Variants in NKD1 observed in about 807,000 individuals in gnomAD.
NKD1 encodes NKD inhibitor of Wnt signaling pathway 1, also known as protein naked cuticle homolog 1.
A neutral mutation model predicts 56.0 loss-of-function variants in NKD1; 21 were observed. The observed-to-expected ratio is 0.38, with a 90% CI of 0.27 to 0.54. The LOEUF is 0.54. Among genes scored for constraint, NKD1 ranks in the 20% least tolerant of loss-of-function variants. NKD1 has a pLI of 0.82. For missense variants in NKD1, 578 were observed against 642.7 expected (o/e 0.90, Z 1.09); for synonymous variants, 263 against 265.7 (o/e 0.99, Z 0.10).
At chr16:50,605,513 C>T (rs1961686436) in intron 3 of NKD1, among the ~76,000 whole-genome samples, 1 of 152,146 alleles carries the variant, frequency 6.6e-6, no homozygotes, top group East Asian at 1.9e-4. Context: ...TTCAGCCAAC[C>T]ATAGATAGAA....
chr16:50,648,195 A>T lies in NKD1; in HGVS notation c.*14414A>T, dbSNP rs1234670555. ...AAATGCCACACCATGGAAGCCACAC[A>T]CTCTGCTGTCTCCTTCTGTCCTCAT... On this transcript the variant is annotated 3_prime_UTR_variant, in exon 10 of 10. Coordinates refer to ENST00000268459, the MANE Select transcript of NKD1 (RefSeq NM_033119.5). 2 of 152,490 alleles carry T rather than the reference A, an allele frequency of 1.3e-5. No homozygotes were observed. Among genetic ancestry groups the T allele is most frequent in the Non-Finnish European group, 2.9e-5 (2 of 68,130 alleles). The allele number at this position is 152,490 out of a possible 1,614,324, so 9.4% of individuals were successfully genotyped here. A position where few individuals can be genotyped will look rare whatever the true frequency, so the allele number is the denominator to read the frequency against.
intron 3 of NKD1, 44 bp from the exon 4 acceptor site, chr16:50,608,236 GTCCCAGCACTGGGC>G: frequency 8.3e-7 from 1 of 1,209,812 alleles, no homozygotes; most frequent in Non-Finnish European, 1.2e-6. Context: ...TGCTTTTAAC[GTCCCAGCACTGGGC>G]TCCCCCAACC....
At chr16:50,626,085 C>G (rs935465710) in intron 6 of NKD1, among the ~76,000 whole-genome samples, 11 of 152,228 alleles carry the variant, frequency 7.2e-5, no homozygotes, top group Admixed American at 3.9e-4. Context: ...AGGGCCCTGC[C>G]AGTGGCTCTG....
chr16:50,592,950 G>A (rs1961401154), intron 3 of NKD1, among the ~76,000 whole-genome samples: 1 of 152,160 alleles, frequency 6.6e-6, no homozygotes. Flanking sequence ...TCTCTAAAGT[G>A]TCCTGGTTAA....
At chr16:50,607,837 G>A (rs1030230703) in intron 3 of NKD1, 4 of 179,200 alleles carry the variant, frequency 2.2e-5, no homozygotes, top group Non-Finnish European at 2.4e-5. Flanking sequence ...GCTAGGGTGG[G>A]TCAGACAGAT....
chr16:50,625,832 G>A (rs368711334), intron 6 of NKD1, among the ~76,000 whole-genome samples: 58 of 101,432 alleles, frequency 5.7e-4, no homozygotes, highest in African/African-American at 1.8e-3. Context: ...TCCCTCCCGG[G>A]AAAGAAGTTG....
intron 3 of NKD1, among the ~76,000 whole-genome samples, chr16:50,560,741 G>C (rs1036509486): frequency 6.7e-6 from 1 of 149,352 alleles, no homozygotes; most frequent in African/African-American, 2.5e-5. Flanking sequence ...TATATAGTAA[G>C]AGTAAATATT....
intron 3 of NKD1, among the ~76,000 whole-genome samples, chr16:50,600,938 A>G (rs1367109545): frequency 6.6e-6 from 1 of 152,210 alleles, no homozygotes; most frequent in African/African-American, 2.4e-5. Context: ...TGGGGAGCTG[A>G]AGGCCGGGGA....
chr16:50,618,579 C>T (rs1235690019), intron 4 of NKD1, among the ~76,000 whole-genome samples: 1 of 152,230 alleles, frequency 6.6e-6, no homozygotes, highest in African/African-American at 2.4e-5. Flanking sequence ...GTCTGCATGG[C>T]CAGTTCTCTG....
chr16:50,639,304 A>G lies in NKD1; in HGVS notation c.*5523A>G, dbSNP rs868792783. The G allele has an allele frequency of 6.6e-6, 1 of 152,180 alleles. No homozygotes were observed. Among genetic ancestry groups the G allele is most frequent in the African/African-American group, 2.4e-5 (1 of 41,430 alleles). The allele number at this position is 152,180 out of a possible 1,614,324, so 9.4% of individuals were successfully genotyped here. A position where few individuals can be genotyped will look rare whatever the true frequency, so the allele number is the denominator to read the frequency against. ...AAGAATCCCCCAGGGAGCATGTGAA[A>G]TGCAGATACCAGGCCCACCCCCAGA... On this transcript the variant is annotated 3_prime_UTR_variant, in exon 10 of 10. Transcript: ENST00000268459.
chr16:50,617,193 A>G (rs1961980795), intron 4 of NKD1, among the ~76,000 whole-genome samples: 1 of 152,058 alleles, frequency 6.6e-6, no homozygotes, highest in Non-Finnish European at 1.5e-5. Context: ...CATTGGGCCC[A>G]TGGGGAGGCG....
chr16:50,561,276 G>A (rs969181184), intron 3 of NKD1, among the ~76,000 whole-genome samples: 7 of 152,020 alleles, frequency 4.6e-5, no homozygotes, highest in Non-Finnish European at 1.0e-4. Flanking sequence ...TGGGAACCCT[G>A]AGCCTGGGGG....
rs116700089 is a variant in NKD1, at chr16:50,606,589, A to G, written c.193-1705A>G. The G allele has an allele frequency of 1.7e-3, 601 of 356,958 alleles. 7 individuals carry two copies. The highest frequency in any genetic ancestry group is 0.012 in the African/African-American group (547 of 46,960). 22.1% of individuals were successfully genotyped at this position (356,958 alleles called of 1,614,324 possible). A position where few individuals can be genotyped will look rare whatever the true frequency, so the allele number is the denominator to read the frequency against. On this transcript the variant is annotated intron_variant, in intron 3 of 9. Coordinates refer to ENST00000268459, the MANE Select transcript of NKD1 (RefSeq NM_033119.5). Reference sequence around the variant, plus strand: ...GCCTTGAGCACATGCGGTCATTGTCATAGGGTCCCACACGGCTGCCTTGTT... The same window carrying G: ...GCCTTGAGCACATGCGGTCATTGTCGTAGGGTCCCACACGGCTGCCTTGTT...
Position 50,636,847 on chromosome 16 carries a change from A to C in NKD1, c.*3066A>C, listed in dbSNP as rs1962478202. On this transcript the variant is annotated 3_prime_UTR_variant, in exon 10 of 10. Transcript: ENST00000268459. Reference sequence around the variant, plus strand: ...AATTTACAAATGCTGACATTTTGCAATATTTATTTCGGATCTATTTTTAAG... The same window carrying C: ...AATTTACAAATGCTGACATTTTGCACTATTTATTTCGGATCTATTTTTAAG... The C allele has an allele frequency of 6.6e-6, 1 of 152,178 alleles. No individual in the cohort carries two copies. Among genetic ancestry groups the C allele is most frequent in the Non-Finnish European group, 1.5e-5 (1 of 68,020 alleles). The allele number at this position is 152,178 out of a possible 1,614,324, so 9.4% of individuals were successfully genotyped here.
intron 3 of NKD1, chr16:50,606,457 G>C: frequency 3.2e-6 from 1 of 310,554 alleles, no homozygotes; most frequent in East Asian, 7.7e-5. Flanking sequence ...GTTGAGTGGT[G>C]AGAGGCCTAT....
chr16:50,582,946 G>A (rs1312888356), intron 3 of NKD1, among the ~76,000 whole-genome samples: 3 of 152,220 alleles, frequency 2.0e-5, no homozygotes, highest in Admixed American at 6.5e-5. Context: ...GGCAGAGGTT[G>A]CAGTGAGCCG....
chr16:50,614,451 C>A (rs1567349570), intron 4 of NKD1, among the ~76,000 whole-genome samples: 1 of 152,144 alleles, frequency 6.6e-6, no homozygotes, highest in African/African-American at 2.4e-5. Context: ...TCTCCATCAT[C>A]TCTCCCTCTG....
intron 3 of NKD1, among the ~76,000 whole-genome samples, chr16:50,600,240 AAAACAAAC>A (rs142116037): frequency 5.3e-5 from 8 of 152,144 alleles, no homozygotes; most frequent in Non-Finnish European, 1.2e-4. Context: ...AAAACAAAAC[AAAACAAAC>A]AAACAAACAA....
intron 4 of NKD1, among the ~76,000 whole-genome samples, chr16:50,611,545 A>G (rs989088480): frequency 9.2e-5 from 14 of 152,128 alleles, no homozygotes; most frequent in Non-Finnish European, 1.8e-4. Flanking sequence ...TCCTCAGCCC[A>G]AGGGTGGATG....
Sources: gnomAD v4.1 joint callset for allele counts (sites outside exome capture counted in the v4.1 genomes callset) on GRCh38, gnomAD v4.1.1 for gene constraint, MANE v1.5 for transcripts, NCBI Gene and HGNC (gene_info 2026-07-23, HGNC 2026-07-21) for gene names.